Variants in PCDHGA4 observed in about 807,000 individuals in gnomAD.
PCDHGA4 encodes protocadherin gamma subfamily A, 4.
Under a neutral mutation model 54.6 loss-of-function variants are expected in PCDHGA4, and 38 were observed. The ratio of observed to expected loss-of-function variants is 0.70; its 90% CI spans 0.54 to 0.91. PCDHGA4 has a LOEUF of 0.91. Among genes scored for constraint, PCDHGA4 ranks in the 40% least tolerant of loss-of-function variants. PCDHGA4 has a pLI of 0.00. For synonymous variants in PCDHGA4, 511 were observed against 512.9 expected, an observed-to-expected ratio of 1.00 and a Z score of 0.05; for missense variants, 1,298 against 1,220.9, an observed-to-expected ratio of 1.06 and a Z score of -0.94.
intron 1 of PCDHGA4, chr5:141,383,593 G>C (rs893791654): frequency 5.6e-6 from 9 of 1,613,726 alleles, no homozygotes; most frequent in Admixed American, 1.7e-5. Flanking sequence ...CCAGGTGACA[G>C]TGGTGGATGT....
chr5:141,444,472 C>A (rs559334960), intron 1 of PCDHGA4, among the ~76,000 whole-genome samples: 2 of 151,850 alleles, frequency 1.3e-5, no homozygotes, highest in Non-Finnish European at 2.9e-5. Context: ...CGCCCGGTCG[C>A]GTACTGGATT....
At chr5:141,390,377 T>G in intron 1 of PCDHGA4, 9 of 1,463,992 alleles carry the variant, frequency 6.1e-6, no homozygotes, top group Non-Finnish European at 8.4e-6. Flanking sequence ...TATATAATTT[T>G]TAGATGTCAT....
intron 1 of PCDHGA4, chr5:141,390,457 G>T: frequency 1.3e-6 from 1 of 767,062 alleles, no homozygotes; most frequent in South Asian, 1.9e-5. Flanking sequence ...GAGTAAAGTA[G>T]GAGCAATTGT....
Position 141,493,760 on chromosome 5 carries a change from G to C in PCDHGA4, c.2515-1047G>C, listed in dbSNP as rs1268832909. On this transcript the variant is annotated intron_variant, in intron 1 of 3. Coordinates refer to ENST00000571252, the MANE Select transcript of PCDHGA4 (RefSeq NM_018917.4). The surrounding 1 kb of genome is among the most constrained non-coding windows in gnomAD (Gnocchi z 4.3). ...ACTGCCACCTGTGAGCCTTGAGTGA[G>C]CCACTGGCAGTTCCGGAGCTTCCTT... Among the ~76,000 whole-genome samples, 1 of 152,166 alleles carries C rather than the reference G, an allele frequency of 6.6e-6. No individual in the cohort carries two copies. The highest frequency in any genetic ancestry group is 1.5e-5 in the Non-Finnish European group (1 of 68,022).
rs377414044 is a variant in PCDHGA4, at chr5:141,362,475, C to G, written c.2514+4854C>G. On this transcript the variant is annotated intron_variant, in intron 1 of 3. Coordinates refer to ENST00000571252, the MANE Select transcript of PCDHGA4 (RefSeq NM_018917.4). ...CGGAATTGGTTCCCGCGCAAGATCT[C>G]GTCTGTGACAATGCCTCTTGGGAAC... is the stretch of plus-strand genomic sequence containing the variant. The G allele has an allele frequency of 9.2e-5, 149 of 1,613,908 alleles. 1 individual carries two copies. The highest frequency in any genetic ancestry group is 1.2e-4 in the Non-Finnish European group (143 of 1,179,906).
Position 141,486,484 on chromosome 5 carries a change from C to A in PCDHGA4, c.2515-8323C>A. On this transcript the variant is annotated intron_variant, in intron 1 of 3. Transcript: ENST00000571252. This position sits in a 1 kb window ranked among gnomAD's most constrained non-coding sequence, Gnocchi z 5.0. ...ATGCTGGGAACCCTCCTCTCAGTAC[C>A]CACAGAACTATTTTCCTCAATATTT... is the stretch of plus-strand genomic sequence containing the variant. 5 of 1,614,102 alleles carry A rather than the reference C, an allele frequency of 3.1e-6. No homozygotes were observed. Among genetic ancestry groups the A allele is most frequent in the Non-Finnish European group, 4.2e-6 (5 of 1,179,930 alleles).
chr5:141,404,579 A>G (rs1390358900), intron 1 of PCDHGA4: 1 of 1,614,002 alleles, frequency 6.2e-7, no homozygotes, highest in Non-Finnish European at 8.5e-7. Flanking sequence ...CCCACCACTT[A>G]GCAGCAATGT....
intron 1 of PCDHGA4, chr5:141,362,509 A>G: frequency 6.2e-7 from 1 of 1,614,038 alleles, no homozygotes; most frequent in African/African-American, 1.3e-5. Flanking sequence ...ACAAAATACA[A>G]ATCATGGAGC....
intron 1 of PCDHGA4, among the ~76,000 whole-genome samples, chr5:141,450,005 TC>T (rs2098662434): frequency 1.0e-5 from 1 of 99,604 alleles, no homozygotes; most frequent in Non-Finnish European, 1.8e-5. Flanking sequence ...TTGCCATGTC[TC>T]TTTTTTTTTT....
chr5:141,438,319 T>C (rs934592523), intron 1 of PCDHGA4, among the ~76,000 whole-genome samples: 1 of 151,982 alleles, frequency 6.6e-6, no homozygotes, highest in African/African-American at 2.4e-5. Flanking sequence ...CACCATAATT[T>C]TTCTTATACA....
chr5:141,405,177 G>A, intron 1 of PCDHGA4: 3 of 1,614,140 alleles, frequency 1.9e-6, no homozygotes, highest in African/African-American at 1.3e-5. Flanking sequence ...CACTTTGTGG[G>A]TGTAGATGGG....
At position 141,491,318 on chromosome 5, in the gene PCDHGA4, A is replaced by C; in HGVS notation, c.2515-3489A>C. The C allele has an allele frequency of 6.2e-7, 1 of 1,613,862 alleles. No individual in the cohort carries two copies. The highest frequency in any genetic ancestry group is 8.5e-7 in the Non-Finnish European group (1 of 1,179,916). On this transcript the variant is annotated intron_variant, in intron 1 of 3. Transcript: ENST00000571252. The surrounding 1 kb of genome is among the most constrained non-coding windows in gnomAD (Gnocchi z 6.9). ...CCTGAGCGTTCAGACCTTACCCTTT[A>C]CCTCATTGTGGCTCTAGCGACCGTC...
At position 141,432,898 on chromosome 5, in the gene PCDHGA4, G is replaced by C. The variant is rs746913952; in HGVS notation, c.2515-61909G>C. ...TGGCCTTCGTCATCTTGCTGCTGGC[G>C]CTCAGGCTGCGGCGCTGGCACAAGT... On this transcript the variant is annotated intron_variant, in intron 1 of 3. Coordinates refer to ENST00000571252, the MANE Select transcript of PCDHGA4 (RefSeq NM_018917.4). The surrounding 1 kb of genome is among the most constrained non-coding windows in gnomAD (Gnocchi z 6.0). 28 of 1,614,056 alleles carry C rather than the reference G, an allele frequency of 1.7e-5. No individual in the cohort carries two copies. In the African/African-American group the frequency reaches 2.4e-4, roughly 14 times the overall value.
chr5:141,473,857 G>A (rs981688765), intron 1 of PCDHGA4, among the ~76,000 whole-genome samples: 1 of 152,164 alleles, frequency 6.6e-6, no homozygotes, highest in Non-Finnish European at 1.5e-5. Context: ...GATGAACCTC[G>A]CTATTGTGGA....
intron 1 of PCDHGA4, chr5:141,403,162 T>C (rs745617954): frequency 9.3e-6 from 15 of 1,613,862 alleles, no homozygotes; most frequent in African/African-American, 2.7e-5. Flanking sequence ...TCTCTAGAGG[T>C]AGGACGCAGC....
chr5:141,404,210 A>G (rs927879028), intron 1 of PCDHGA4: 11 of 1,613,840 alleles, frequency 6.8e-6, no homozygotes, highest in Non-Finnish European at 9.3e-6. Context: ...AGAATATAAT[A>G]TCACGGTGAC....
chr5:141,501,162 C>T (rs922957843), intron 2 of PCDHGA4, among the ~76,000 whole-genome samples: 1 of 152,134 alleles, frequency 6.6e-6, no homozygotes, highest in Non-Finnish European at 1.5e-5. Context: ...CCACCATCCC[C>T]AGCCTCATTT....
Position 141,375,274 on chromosome 5 carries a change from A to C in PCDHGA4, c.2514+17653A>C, listed in dbSNP as rs773661979. On this transcript the variant is annotated intron_variant, in intron 1 of 3. Transcript: ENST00000571252. ...GTCTCCCATTTGAATTGGAAAAATC[A>C]GTTGGCAATTATTATCGATTAGTGA... 9 of 1,613,898 alleles carry C rather than the reference A, an allele frequency of 5.6e-6. No individual in the cohort carries two copies. In the East Asian group the frequency reaches 2.0e-4, roughly 36 times the overall value.
intron 1 of PCDHGA4, chr5:141,393,683 G>A (rs370409157): frequency 9.9e-6 from 16 of 1,613,730 alleles, no homozygotes; most frequent in South Asian, 8.8e-5. Context: ...AACAAACTCC[G>A]TTATTCCAGC....
Sources: allele counts gnomAD v4.1 joint callset (sites outside exome capture counted in the v4.1 genomes callset), GRCh38; gene constraint gnomAD v4.1.1; non-coding constraint Gnocchi (gnomAD v3.1); transcripts MANE v1.5; gene names NCBI Gene and HGNC (gene_info 2026-07-23, HGNC 2026-07-21).